The following KRT86 variants were observed in gnomAD, a reference collection of about 807,000 sequenced individuals.
KRT86 encodes keratin, type II cuticular Hb6.
Under a neutral mutation model 41.2 loss-of-function variants are expected in KRT86, and 30 were observed. The ratio of observed to expected loss-of-function variants is 0.73; its 90% CI spans 0.54 to 0.99. KRT86 has a LOEUF of 0.99. KRT86 is among the 50% of genes least tolerant of loss of function. The probability of loss-of-function intolerance (pLI) is 0.00; values close to 1 mark genes in which losing one functional copy is unlikely to be tolerated. For missense variants in KRT86, 561 were observed against 571.4 expected, an observed-to-expected ratio of 0.98 and a Z score of 0.19; for synonymous variants, 238 against 238.1, an observed-to-expected ratio of 1.00 and a Z score of 0.00.
chr12:52,282,305 T>C (rs1937792755), intron 2 of KRT86, among the ~76,000 whole-genome samples: 3 of 151,386 alleles, frequency 2.0e-5, no homozygotes, highest in African/African-American at 4.9e-5. Flanking sequence ...CAATCTTGGC[T>C]CACTGCAAGC....
intron 2 of KRT86, among the ~76,000 whole-genome samples, chr12:52,282,734 A>C (rs1331669979): frequency 3.9e-5 from 6 of 152,150 alleles, no homozygotes; most frequent in Admixed American, 3.9e-4. Context: ...CGCCCACTTT[A>C]GCCCCACTCC....
chr12:52,301,846 C>G, intron 2 of KRT86, 67 bp from the exon 3 acceptor site: 2 of 1,613,192 alleles, frequency 1.2e-6, no homozygotes, highest in South Asian at 1.1e-5. Context: ...GAACGCCTGA[C>G]GCCCCGACCA....
At chr12:52,277,607 T>G (rs1592413782) in intron 2 of KRT86, 1 of 152,382 alleles carries the variant, frequency 6.6e-6, no homozygotes, top group Non-Finnish European at 1.5e-5. Flanking sequence ...GAGGCTGCCC[T>G]GCAGCGAGCT....
intron 2 of KRT86, 70 bp from the exon 3 acceptor site, chr12:52,301,843 T>G (rs1449187034): frequency 6.2e-7 from 1 of 1,613,282 alleles, no homozygotes; most frequent in East Asian, 2.2e-5. Context: ...AGTGAACGCC[T>G]GACGCCCCGA....
intron 2 of KRT86, chr12:52,288,356 C>T (rs367928182): frequency 1.2e-4 from 194 of 1,613,898 alleles, no homozygotes; most frequent in Non-Finnish European, 1.3e-4. Flanking sequence ...CCCCTGAGCC[C>T]GCACCTCCTC....
chr12:52,287,357 T>A (rs1937980598), intron 2 of KRT86: 1 of 1,611,238 alleles, frequency 6.2e-7, no homozygotes, highest in East Asian at 2.2e-5. Flanking sequence ...TAGATTAGAG[T>A]CCCTGGGTCT....
rs149537485 is a variant in KRT86 at position 52,288,484 on chromosome 12, A to AG, written c.-5+12538_-5+12539insG. On this transcript the variant is annotated intron_variant, in intron 2 of 10. Transcript: ENST00000423955. ...GGAAAGGTGGGGAGTGTTGGAGCTCAAGGACCCTGGTGATCCAGCCCCCAG... is the reference window on the plus strand; with the variant it reads ...GGAAAGGTGGGGAGTGTTGGAGCTCAGAGGACCCTGGTGATCCAGCCCCCAG... 4,237 of 1,612,658 alleles carry AG rather than the reference A, an allele frequency of 2.6e-3. 81 individuals are homozygous for AG. The African/African-American group carries it at 0.047, about 18-fold the overall frequency.
At chr12:52,288,854 C>T (rs558829124) in intron 2 of KRT86, among the ~76,000 whole-genome samples, 1 of 151,942 alleles carries the variant, frequency 6.6e-6, no homozygotes, top group South Asian at 2.1e-4. Flanking sequence ...GTGTCTCTGC[C>T]TCAAGGTCAG....
intron 2 of KRT86, among the ~76,000 whole-genome samples, chr12:52,281,401 A>G (rs972724886): frequency 2.6e-5 from 4 of 152,198 alleles, no homozygotes; most frequent in African/African-American, 9.7e-5. Flanking sequence ...ATCCATCCTC[A>G]GGGTCTGCCA....
chr12:52,294,982 C>A (rs7295468), intron 2 of KRT86, among the ~76,000 whole-genome samples: 1 of 152,012 alleles, frequency 6.6e-6, no homozygotes, highest in South Asian at 2.1e-4. Context: ...CATTGCATGG[C>A]TATACCACAG....
At chr12:52,287,953 G>A (rs763595422) in intron 2 of KRT86, 40 of 1,613,968 alleles carry the variant, frequency 2.5e-5, no homozygotes, top group Admixed American at 8.3e-5. Flanking sequence ...CCACTGACAC[G>A]TCTAGCAGGC....
intron 2 of KRT86, among the ~76,000 whole-genome samples, chr12:52,283,626 A>C (rs1038376313): frequency 8.2e-4 from 125 of 151,820 alleles, no homozygotes; most frequent in African/African-American, 2.8e-3. Context: ...TTACAGGCAC[A>C]TACCACCACG....
intron 2 of KRT86, among the ~76,000 whole-genome samples, chr12:52,298,611 T>C (rs1938303062): frequency 6.6e-6 from 1 of 152,172 alleles, no homozygotes; most frequent in Admixed American, 6.5e-5. Flanking sequence ...TCTTTACAAC[T>C]TTATGAGGTG....
rs190281457 is a variant in KRT86 at position 52,305,032 on chromosome 12, G to A, written c.735+5G>A. On this transcript the variant is annotated splice_donor_5th_base_variant and intron_variant, in intron 6 of 10. Transcript: ENST00000423955. ...CTGAGGCGGCTGTATGAGGAGGTGC[G>A]GGCTCAGGGGCCAGGCAGAGACCTG... The A allele has an allele frequency of 6.0e-4, 964 of 1,613,736 alleles. 4 individuals carry two copies. In the African/African-American group the frequency reaches 0.011, roughly 19 times the overall value.
At chr12:52,300,039 T>C (rs1301897626) in intron 2 of KRT86, among the ~76,000 whole-genome samples, 7 of 152,232 alleles carry the variant, frequency 4.6e-5, no homozygotes. Flanking sequence ...CCCTAAGCAT[T>C]TCCTCAATGT....
At chr12:52,287,656 G>A (rs760141400) in intron 2 of KRT86, 1 of 1,613,758 alleles carries the variant, frequency 6.2e-7, no homozygotes, top group East Asian at 2.2e-5. Flanking sequence ...TCAGCTCATT[G>A]ATCTCCTCCT....
At chr12:52,302,801 G>A (rs1376750340) in intron 3 of KRT86, among the ~76,000 whole-genome samples, 1 of 146,316 alleles carries the variant, frequency 6.8e-6, no homozygotes, top group African/African-American at 2.5e-5. Flanking sequence ...CATAGTGAGG[G>A]ACTGAGCCTC....
intron 2 of KRT86, among the ~76,000 whole-genome samples, chr12:52,295,124 T>G (rs897564683): frequency 6.6e-6 from 1 of 152,354 alleles, no homozygotes; most frequent in East Asian, 1.9e-4. Context: ...GGTATGTGGC[T>G]ATTTTTTTTA....
At chr12:52,281,960 C>G (rs1937782322) in intron 2 of KRT86, among the ~76,000 whole-genome samples, 1 of 151,920 alleles carries the variant, frequency 6.6e-6, no homozygotes, top group African/African-American at 2.4e-5. Context: ...AGGCTGGTCT[C>G]AAACTCTTGG....
Sources: gnomAD v4.1 joint callset for allele counts (sites outside exome capture counted in the v4.1 genomes callset) on GRCh38, gnomAD v4.1.1 for gene constraint, MANE v1.5 for transcripts, NCBI Gene and HGNC (gene_info 2026-07-23, HGNC 2026-07-21) for gene names.